Variants in POLR2F observed in about 807,000 individuals in gnomAD.
POLR2F encodes DNA-directed RNA polymerases I, II, and III subunit RPABC2.
A neutral mutation model predicts 22.7 loss-of-function variants in POLR2F; 12 were observed. The ratio of observed to expected loss-of-function variants is 0.53; its 90% CI spans 0.34 to 0.86. The LOEUF is 0.86. Ranked by LOEUF, POLR2F falls within the 40% of genes least tolerant of loss-of-function variation. The probability of loss-of-function intolerance (pLI) is 0.02; values close to 1 mark genes in which losing one functional copy is unlikely to be tolerated. For synonymous variants in POLR2F, 57 were observed against 66.0 expected, an observed-to-expected ratio of 0.86 and a Z score of 0.66; for missense variants, 126 against 171.5, an observed-to-expected ratio of 0.73 and a Z score of 1.48.
rs758630099 is a variant in POLR2F, at chr22:37,959,803, G to GT, written c.221+345dup. 4.1e-3 allele frequency among the ~76,000 whole-genome samples: 560 copies of GT among 136,970 alleles called. 5 individuals carry two copies. Among genetic ancestry groups the GT allele is most frequent in the South Asian group, 0.017 (72 of 4,282 alleles). The allele number at this position is 136,970 out of a possible 152,430, so 89.9% of individuals were successfully genotyped here. ...TTCAGAGCCAATGTGTACCAGTGTA[G>GT]TTTTTTTTTTTTTTTTTTGAGATAG... On this transcript the variant is annotated intron_variant, in intron 3 of 4. Transcript: ENST00000442738.
chr22:37,953,914 A>T (rs764035015), intron 1 of POLR2F, 107 bp downstream of exon 1: 41 of 1,329,960 alleles, frequency 3.1e-5, no homozygotes, highest in Non-Finnish European at 4.2e-5. Context: ...GTCTGAGGGG[A>T]CTGGGGTCCT....
upstream of POLR2F, chr22:37,983,551 C>T: frequency 6.2e-7 from 1 of 1,610,592 alleles, no homozygotes; most frequent in East Asian, 2.2e-5. The surrounding 1 kb of genome is among the most constrained non-coding windows in gnomAD (Gnocchi z 9.5). Context: ...CGCTGAGCAC[C>T]TGGCTGACGG....
chr22:38,010,395 AAGAG>A (rs948445613), intron 1 of POLR2F, among the ~76,000 whole-genome samples: 2 of 151,636 alleles, frequency 1.3e-5, no homozygotes, highest in African/African-American at 4.8e-5. Context: ...AAGGAAAAGA[AAGAG>A]AGGAGAGAGA....
At chr22:38,003,687 A>C (rs533704100) in intron 1 of POLR2F, among the ~76,000 whole-genome samples, 2 of 149,822 alleles carry the variant, frequency 1.3e-5, no homozygotes, top group African/African-American at 4.9e-5. Flanking sequence ...AGCGATTCTC[A>C]CACCTCAGCC....
At chr22:38,003,379 G>A (rs1180394527) in intron 1 of POLR2F, among the ~76,000 whole-genome samples, 3 of 151,940 alleles carry the variant, frequency 2.0e-5, no homozygotes, top group African/African-American at 4.8e-5. Flanking sequence ...GGTGCGTGTC[G>A]CCACACCTGG....
intron 1 of POLR2F, among the ~76,000 whole-genome samples, chr22:38,018,528 C>T (rs1272720622): frequency 2.0e-5 from 3 of 152,134 alleles, no homozygotes; most frequent in Non-Finnish European, 4.4e-5. Context: ...AGGCCTCAGG[C>T]TATCACCGAA....
At chr22:38,039,252 C>A (rs575677469) in intron 5 of POLR2F, among the ~76,000 whole-genome samples, 2 of 152,168 alleles carry the variant, frequency 1.3e-5, no homozygotes, top group African/African-American at 4.8e-5. Flanking sequence ...CCAAATGTAC[C>A]GGAATTTTTG....
At position 38,013,034 on chromosome 22, in the gene POLR2F, A is replaced by G. The variant is rs149666990; in HGVS notation, c.121-12835A>G. 4.0e-3 allele frequency among the ~76,000 whole-genome samples: 606 copies of G among 152,224 alleles called. 3 individuals are homozygous for G. Among genetic ancestry groups the G allele is most frequent in the Middle Eastern group, 0.01 (3 of 294 alleles). On this transcript the variant is annotated intron_variant, in intron 1 of 2. Transcript: ENST00000333418. The stretch of plus-strand genomic sequence containing the variant: ...GAAATGAAGCTGCACCTCCTGCCCC[A>G]CAGAACTTATTCTAGCACTCCCTCA...
chr22:37,998,512 G>A (rs1424030284), intron 1 of POLR2F, among the ~76,000 whole-genome samples: 6 of 152,156 alleles, frequency 3.9e-5, no homozygotes, highest in Admixed American at 3.9e-4. Context: ...GGCTCCCTGG[G>A]CAGGTTGGGG....
At chr22:38,033,508 C>T (rs1355948123) in intron 5 of POLR2F, among the ~76,000 whole-genome samples, 1 of 152,242 alleles carries the variant, frequency 6.6e-6, no homozygotes, top group African/African-American at 2.4e-5. Flanking sequence ...ACAGGCCCAG[C>T]TGCTGGGAAC....
chr22:37,962,408 C>CA (rs1260690428), intron 3 of POLR2F, among the ~76,000 whole-genome samples: 2 of 152,176 alleles, frequency 1.3e-5, no homozygotes. Flanking sequence ...ATGTCTACTT[C>CA]AATAAAGGGT....
upstream of POLR2F, chr22:37,983,858 C>A: frequency 8.0e-7 from 1 of 1,255,204 alleles, no homozygotes; most frequent in Non-Finnish European, 1.0e-6. The surrounding 1 kb of genome is among the most constrained non-coding windows in gnomAD (Gnocchi z 9.5). Context: ...CGCAAAGAGT[C>A]CAACGCCCAC....
chr22:38,037,071 A>G (rs2085123170), intron 5 of POLR2F, among the ~76,000 whole-genome samples: 1 of 152,016 alleles, frequency 6.6e-6, no homozygotes, highest in African/African-American at 2.4e-5. Context: ...GTTAGCTTGT[A>G]GGTTTACTTG....
chr22:38,033,903 T>C (rs1355594821), intron 5 of POLR2F, among the ~76,000 whole-genome samples: 2 of 152,118 alleles, frequency 1.3e-5, no homozygotes, highest in African/African-American at 4.8e-5. Flanking sequence ...TCATGACCCA[T>C]GCTGACTCTA....
chr22:38,039,687 A>G (rs1382720373), intron 5 of POLR2F, among the ~76,000 whole-genome samples: 1 of 152,220 alleles, frequency 6.6e-6, no homozygotes, highest in Non-Finnish European at 1.5e-5. Flanking sequence ...AAGCAAAGGC[A>G]CTGCTGGCGA....
chr22:38,010,683 C>A (rs1444799780), intron 1 of POLR2F, among the ~76,000 whole-genome samples: 3 of 121,288 alleles, frequency 2.5e-5, no homozygotes, highest in Non-Finnish European at 4.8e-5. Flanking sequence ...GTGGCGCGAT[C>A]TCGGCTCACT....
chr22:38,031,122 C>G (rs544054592), downstream of POLR2F, among the ~76,000 whole-genome samples: 5 of 152,096 alleles, frequency 3.3e-5, no homozygotes, highest in Admixed American at 1.3e-4. The surrounding 1 kb of genome is among the most constrained non-coding windows in gnomAD (Gnocchi z 4.1). Flanking sequence ...ACTCCTACTA[C>G]TCTGTCAGGC....
Position 37,978,324 on chromosome 22 carries a change from G to GCCC in POLR2F, c.293+11154_293+11155insCCC, listed in dbSNP as rs1932288409. Among the ~76,000 whole-genome samples, 1 of 152,232 alleles carries GCCC rather than the reference G, an allele frequency of 6.6e-6. No homozygotes were observed. Among genetic ancestry groups the GCCC allele is most frequent in the Non-Finnish European group, 1.5e-5 (1 of 68,040 alleles). On this transcript the variant is annotated intron_variant, in intron 4 of 4. Coordinates refer to the POLR2F transcript ENST00000405557. This position sits in a 1 kb window ranked among gnomAD's most constrained non-coding sequence, Gnocchi z 5.0. ...TGGACTGAGAGATGTGAGGCCCAAG[G>GCCC]AATAACAGCCTCAGAGGGCTGCCCC...
chr22:37,974,276 T>C (rs141009107), downstream of POLR2F: 1,335 of 1,106,832 alleles, frequency 1.2e-3, 18 homozygotes, highest in African/African-American at 0.018. This position sits in a 1 kb window ranked among gnomAD's most constrained non-coding sequence, Gnocchi z 5.4. Flanking sequence ...TGAACTTCCA[T>C]GGTTCACCTT....
Sources: gnomAD v4.1 joint callset for allele counts (sites outside exome capture counted in the v4.1 genomes callset) on GRCh38, gnomAD v4.1.1 for gene constraint, Gnocchi (gnomAD v3.1) non-coding constraint, MANE v1.5 for transcripts, NCBI Gene and HGNC (gene_info 2026-07-23, HGNC 2026-07-21) for gene names.